PLA1A: variants seen among roughly 807,000 people sequenced by gnomAD.
PLA1A encodes phosphatidylserine-specific phospholipase A1alpha.
In PLA1A, 47 loss-of-function variants were observed where a neutral mutation model predicts 49.4. The observed-to-expected ratio is 0.95, with a 90% CI of 0.75 to 1.21. PLA1A has a LOEUF of 1.21. Among genes scored for constraint, PLA1A ranks in the 50% most tolerant of loss-of-function variants. The probability of loss-of-function intolerance (pLI) is 0.00; values close to 1 mark genes in which losing one functional copy is unlikely to be tolerated. For missense variants in PLA1A, 561 were observed against 563.9 expected (o/e 0.99, Z 0.05); for synonymous variants, 224 against 207.9 (o/e 1.08, Z -0.67).
intron 7 of PLA1A, among the ~76,000 whole-genome samples, chr3:119,618,546 G>C (rs2082884884): frequency 6.6e-6 from 1 of 152,134 alleles, no homozygotes; most frequent in Non-Finnish European, 1.5e-5. Flanking sequence ...CTAAATCTAT[G>C]GTGGGGAATC....
At chr3:119,619,834 G>A (rs1452281396) in intron 8 of PLA1A, among the ~76,000 whole-genome samples, 182 bp downstream of exon 8, 1 of 152,222 alleles carries the variant, frequency 6.6e-6, no homozygotes, top group Non-Finnish European at 1.5e-5. Flanking sequence ...CTTCAGATGA[G>A]GACTTGGGGG....
chr3:119,618,064 A>G lies in PLA1A; in HGVS notation c.800A>G (p.Tyr267Cys). 1.2e-6 allele frequency: 2 copies of G among 1,613,994 alleles called. No homozygotes were observed. Among genetic ancestry groups the G allele is most frequent in the South Asian group, 1.1e-5 (1 of 91,072 alleles). ...GATCACATGAGGGCTGTGCACCTCT[A>G]CATCAGCGCCCTGGAGAATTCCTGT... is the stretch of plus-strand genomic sequence containing the variant. ...ICDHMRAVHLYISALENSCPL... is the reference protein window; with the variant it reads ...ICDHMRAVHLCISALENSCPL... The change falls in exon 7 of 11, where the codon TAC (tyrosine) becomes TGC (cysteine). Residue 267 changes from tyrosine (Y) to cysteine (C), a missense_variant. Coordinates refer to ENST00000273371, the MANE Select transcript of PLA1A (RefSeq NM_015900.4).
At chr3:119,624,507 C>A (rs1242539270) in intron 8 of PLA1A, among the ~76,000 whole-genome samples, 1 of 152,118 alleles carries the variant, frequency 6.6e-6, no homozygotes, top group Non-Finnish European at 1.5e-5. Context: ...TGTCAGCAAA[C>A]AAGGGGAAGT....
intron 1 of PLA1A, among the ~76,000 whole-genome samples, chr3:119,603,777 C>A (rs1454765600): frequency 6.6e-6 from 1 of 152,176 alleles, no homozygotes; most frequent in African/African-American, 2.4e-5. Context: ...TTATAAGGTG[C>A]CTATGAATGA....
rs781628935 is a variant in PLA1A, at chr3:119,613,115, G to A, written c.661G>A (p.Asp221Asn). 7.5e-6 allele frequency: 12 copies of A among 1,599,704 alleles called. No individual in the cohort carries two copies. The highest frequency in any genetic ancestry group is 2.7e-5 in the African/African-American group (2 of 74,688). Residue 221 changes from aspartate (D) to asparagine (N), a missense_variant, in exon 5 of 11, where the codon GAC (aspartate) becomes AAC (asparagine). Asp to Asn is a conservative substitution (Grantham distance 23). Coordinates refer to ENST00000273371, the MANE Select transcript of PLA1A (RefSeq NM_015900.4). Reference protein sequence around the residue: ...LFVEAIHTDTDNLGIRIPVGH... With the variant: ...LFVEAIHTDTNNLGIRIPVGH... ...CGTGGAAGCCATCCACACAGACACC[G>A]ACAGTGAGCTGGGGTGACCTTCCTG...
intron 5 of PLA1A, among the ~76,000 whole-genome samples, chr3:119,613,470 A>G (rs1289158416): frequency 6.6e-6 from 1 of 152,232 alleles, no homozygotes. Flanking sequence ...AAAGTCATGA[A>G]GATTTTTTAG....
chr3:119,621,502 A>G (rs749076767), intron 8 of PLA1A, among the ~76,000 whole-genome samples: 1 of 152,244 alleles, frequency 6.6e-6, no homozygotes, highest in Non-Finnish European at 1.5e-5. Flanking sequence ...CTGGGCTCCC[A>G]TGCCTAGCAC....
chr3:119,620,275 C>T, intron 8 of PLA1A: 2 of 402,692 alleles, frequency 5.0e-6, no homozygotes, highest in South Asian at 3.7e-5. Context: ...TGCTGGTTAT[C>T]CTGGGGTCCT....
At chr3:119,626,159 C>A (rs2052533049) in intron 9 of PLA1A, among the ~76,000 whole-genome samples, 1 of 152,148 alleles carries the variant, frequency 6.6e-6, no homozygotes, top group African/African-American at 2.4e-5. Context: ...GTGGAGTTGG[C>A]AAAGCTGGGT....
At chr3:119,608,297 A>AAAGAAAGT (rs1409211276) in intron 2 of PLA1A, among the ~76,000 whole-genome samples, 3 of 151,138 alleles carry the variant, frequency 2.0e-5, no homozygotes, top group Non-Finnish European at 4.4e-5. Flanking sequence ...AGAAAGAAAG[A>AAAGAAAGT]AAAAGAAAAT....
intron 4 of PLA1A, among the ~76,000 whole-genome samples, 166 bp downstream of exon 4, chr3:119,609,742 G>A (rs1381649286): frequency 6.6e-6 from 1 of 152,124 alleles, no homozygotes; most frequent in Non-Finnish European, 1.5e-5. Context: ...GCATAAAATG[G>A]TATTGTGTTA....
chr3:119,598,041 C>A, intron 1 of PLA1A, 55 bp downstream of exon 1: 2 of 1,115,036 alleles, frequency 1.8e-6, no homozygotes, highest in Non-Finnish European at 1.3e-6. Context: ...GATCATATTT[C>A]TCCAACTACT....
chr3:119,629,382 A>G lies in PLA1A; in HGVS notation c.1287-2A>G, dbSNP rs1266663628. On this transcript the variant is annotated splice_acceptor_variant, in intron 10 of 10. Coordinates refer to ENST00000273371, the MANE Select transcript of PLA1A (RefSeq NM_015900.4). LOFTEE classifies it high-confidence loss of function. ...TGCTCTCTTATTGCTCTTCTCTTCCAGAGAAAAGATGGTCTGCTTACCTGA... is the reference window on the plus strand; with the variant it reads ...TGCTCTCTTATTGCTCTTCTCTTCCGGAGAAAAGATGGTCTGCTTACCTGA... The G allele has an allele frequency of 6.3e-7, 1 of 1,587,628 alleles. No homozygotes were observed. The highest frequency in any genetic ancestry group is 2.2e-5 in the East Asian group (1 of 44,754).
chr3:119,603,976 T>C (rs983512681), intron 1 of PLA1A, among the ~76,000 whole-genome samples: 1 of 152,246 alleles, frequency 6.6e-6, no homozygotes, highest in African/African-American at 2.4e-5. Flanking sequence ...CTCAGTCTAA[T>C]GGCTTCCCAA....
In PLA1A at chr3:119,613,091, G is replaced by A. The variant is rs140761557; in HGVS notation, c.637G>A (p.Val213Met). 4.8e-5 allele frequency: 78 copies of A among 1,608,366 alleles called. No individual in the cohort carries two copies. Among genetic ancestry groups the A allele is most frequent in the Middle Eastern group, 1.7e-4 (1 of 6,042 alleles). Residue 213 changes from valine to methionine, a missense_variant, in exon 5 of 11, where the codon GTG (valine) becomes ATG (methionine). By Grantham distance (21) the Val-to-Met change is conservative. Transcript: ENST00000273371. ...ERLDAGDALF[V>M]EAIHTDTDNL... ...CTTGGATGCTGGAGATGCCCTCTTC[G>A]TGGAAGCCATCCACACAGACACCGA...
At chr3:119,608,226 GAGAGAGAAAGAA>G (rs1181553973) in intron 2 of PLA1A, among the ~76,000 whole-genome samples, 1 of 109,782 alleles carries the variant, frequency 9.1e-6, no homozygotes, top group Non-Finnish European at 2.0e-5. Context: ...AAGAAAGAAA[GAGAGAGAAAGAA>G]AGAGAGAAAG....
intron 1 of PLA1A, among the ~76,000 whole-genome samples, chr3:119,603,099 T>C (rs993325608): frequency 1.3e-5 from 2 of 152,134 alleles, no homozygotes; most frequent in African/African-American, 4.8e-5. Context: ...CAGTCCATTG[T>C]TAGGACTTCA....
Position 119,629,497 on chromosome 3 carries a change from C to CAT in PLA1A, c.*30_*31dup, listed in dbSNP as rs745613019. On this transcript the variant is annotated 3_prime_UTR_variant, in exon 11 of 11. Coordinates refer to ENST00000273371, the MANE Select transcript of PLA1A (RefSeq NM_015900.4). Reference sequence around the variant, plus strand: ...AACCTGGGCAGGACACATCTCCCTGCATTTTTTTTTTTTTTTTGAGAGAGA... The same window carrying CAT: ...AACCTGGGCAGGACACATCTCCCTGCATATTTTTTTTTTTTTTTTGAGAGAGA... The CAT allele has an allele frequency of 1.7e-4, 152 of 892,760 alleles. No homozygotes were observed. Among genetic ancestry groups the CAT allele is most frequent in the Non-Finnish European group, 2.1e-4 (131 of 617,200 alleles). 55.3% of individuals were successfully genotyped at this position (892,760 alleles called of 1,614,324 possible).
intron 1 of PLA1A, among the ~76,000 whole-genome samples, chr3:119,605,079 C>T (rs2082667728): frequency 6.6e-6 from 1 of 152,230 alleles, no homozygotes. Context: ...TGGTTTGCAT[C>T]TCATGCTGAA....
Sources: gnomAD v4.1 joint callset for allele counts (sites outside exome capture counted in the v4.1 genomes callset) on GRCh38, gnomAD v4.1.1 for gene constraint, MANE v1.5 for transcripts, NCBI Gene and HGNC (gene_info 2026-07-23, HGNC 2026-07-21) for gene names.